EFCAB6: variants seen among roughly 807,000 people sequenced by gnomAD.
EFCAB6 encodes the protein EF-hand calcium-binding domain-containing protein 6.
Under a neutral mutation model 169.8 loss-of-function variants are expected in EFCAB6, and 156 were observed. The ratio of observed to expected loss-of-function variants is 0.92; its 90% confidence interval spans 0.81 to 1.05. EFCAB6 has a LOEUF of 1.05. Among genes scored for constraint, EFCAB6 ranks in the 50% least tolerant of loss-of-function variants. EFCAB6 has a pLI of 0.00. For synonymous variants in EFCAB6, 698 were observed against 676.4 expected (o/e 1.03, Z -0.50); for missense variants, 1,800 against 1,829.1 (o/e 0.98, Z 0.29).
chr22:43,718,897 C>A (rs772367260), intron 8 of EFCAB6, among the ~76,000 whole-genome samples: 1 of 152,154 alleles, frequency 6.6e-6, no homozygotes, highest in Non-Finnish European at 1.5e-5. Flanking sequence ...CTGCAAGGGC[C>A]CTCGCTGAAA....
rs180881082 is a variant in EFCAB6, at chr22:43,624,350, A to G, written c.2465+2097T>C. Among the ~76,000 whole-genome samples, 9 of 152,240 alleles carry G rather than the reference A, an allele frequency of 5.9e-5. No homozygotes were observed. The East Asian group carries it at 1.5e-3, about 26-fold the overall frequency. On this transcript the variant is annotated intron_variant, in intron 20 of 31. Transcript: ENST00000262726. ...GTACAGAAGGATCTTTCTAAAGCAC[A>G]GTGTAACTCCCTCACTCCATAGCAT... is the stretch of plus-strand genomic sequence containing the variant.
intron 23 of EFCAB6, among the ~76,000 whole-genome samples, chr22:43,594,984 C>G (rs1030886971): frequency 6.6e-6 from 1 of 152,110 alleles, no homozygotes; most frequent in African/African-American, 2.4e-5. Context: ...ACTTTGGAAA[C>G]TGTACAAATA....
chr22:43,719,352 C>T (rs569721912), intron 8 of EFCAB6, among the ~76,000 whole-genome samples: 6 of 152,192 alleles, frequency 3.9e-5, no homozygotes, highest in Non-Finnish European at 8.8e-5. Context: ...GCTTACAGTG[C>T]GGTTTATGTT....
At chr22:43,614,209 A>T in intron 21 of EFCAB6, among the ~76,000 whole-genome samples, 1 of 148,238 alleles carries the variant, frequency 6.7e-6, no homozygotes, top group Admixed American at 6.8e-5. Flanking sequence ...AACTTGGAGA[A>T]CTGACACTAC....
chr22:43,768,549 A>C (rs1371729138), intron 4 of EFCAB6, among the ~76,000 whole-genome samples: 1 of 152,202 alleles, frequency 6.6e-6, no homozygotes, highest in Non-Finnish European at 1.5e-5. Context: ...TTCATTCCCA[A>C]TGACCTTGGC....
intron 22 of EFCAB6, among the ~76,000 whole-genome samples, chr22:43,607,968 T>G (rs886392546): frequency 8.5e-5 from 13 of 152,134 alleles, no homozygotes; most frequent in Non-Finnish European, 1.2e-4. Flanking sequence ...CGGATAAAAT[T>G]TTCGGTTTAA....
intron 2 of EFCAB6, among the ~76,000 whole-genome samples, chr22:43,798,341 G>A (rs976910294): frequency 6.6e-6 from 1 of 151,136 alleles, no homozygotes; most frequent in Non-Finnish European, 1.5e-5. Context: ...AATAGAGCGA[G>A]ACTCCATCTC....
chr22:43,765,393 T>C lies in EFCAB6; in HGVS notation c.352A>G (p.Ile118Val). The C allele has an allele frequency of 6.2e-7, 1 of 1,609,742 alleles. No homozygotes were observed. Among genetic ancestry groups the C allele is most frequent in the Non-Finnish European group, 8.5e-7 (1 of 1,177,092 alleles). ...ACAGTACCAGAGGTGCTAAGGGGGA[T>C]CTACAGTCAAGGGAGAAGAATGACA... ...REQFQDVLAQ[I>V]PLSTSGTVPY... The change falls in exon 5 of 32, where the codon ATC becomes GTC. Residue 118 changes from isoleucine to valine, a missense_variant and splice_region_variant. By Grantham distance (29) the Ile-to-Val change is conservative. Coordinates refer to ENST00000262726, the MANE Select transcript of EFCAB6 (RefSeq NM_022785.4).
intron 20 of EFCAB6, among the ~76,000 whole-genome samples, chr22:43,624,658 G>A (rs1000557892): frequency 3.3e-5 from 5 of 152,130 alleles, no homozygotes; most frequent in East Asian, 3.8e-4. Flanking sequence ...ACTCACGGGC[G>A]CCTCCCTCTG....
Position 43,784,511 on chromosome 22 carries a change from A to ATATGTGTG in EFCAB6, c.-7-2187_-7-2186insCACACATA, listed in dbSNP as rs1382847722. ...ACCAAAAAAAAAAAAAAATATATAT[A>ATATGTGTG]TGTGTGTGTGTGTGTGTGTGTGTGT... On this transcript the variant is annotated intron_variant, in intron 2 of 31. Coordinates refer to ENST00000262726, the MANE Select transcript of EFCAB6 (RefSeq NM_022785.4). 4.2e-4 allele frequency among the ~76,000 whole-genome samples: 38 copies of ATATGTGTG among 91,388 alleles called. No individual in the cohort carries two copies. The South Asian group carries it at 6.7e-3, about 16-fold the overall frequency. The allele number at this position is 91,388 out of a possible 152,430, so 60.0% of individuals were successfully genotyped here.
Position 43,784,631 on chromosome 22 carries a change from A to ATACACATATATG in EFCAB6, c.-7-2307_-7-2306insCATATATGTGTA, listed in dbSNP as rs2061988483. On this transcript the variant is annotated intron_variant, in intron 2 of 31. Coordinates refer to ENST00000262726, the MANE Select transcript of EFCAB6 (RefSeq NM_022785.4). ...TATATGTGTATATATACACATATAT[A>ATACACATATATG]TGTATATGTACACATATATATGTGT... Among the ~76,000 whole-genome samples the ATACACATATATG allele has an allele frequency of 4.7e-5, 2 of 42,372 alleles. 1 individual carries two copies. The highest frequency in any genetic ancestry group is 9.4e-5 in the Non-Finnish European group (2 of 21,380). The allele number at this position is 42,372 out of a possible 152,430, so 27.8% of individuals were successfully genotyped here.
chr22:43,621,202 T>C (rs1026007038), intron 20 of EFCAB6, among the ~76,000 whole-genome samples: 6 of 151,954 alleles, frequency 3.9e-5, no homozygotes, highest in Non-Finnish European at 8.8e-5. Context: ...AATTCTCCTG[T>C]CTCAGCCTCC....
chr22:43,768,373 GGGAAATTACCAT>G (rs1326154666), intron 4 of EFCAB6, among the ~76,000 whole-genome samples: 1 of 152,136 alleles, frequency 6.6e-6, no homozygotes, highest in Non-Finnish European at 1.5e-5. Context: ...CAACTTTAAG[GGGAAATTACCAT>G]GAAATCTTTT....
chr22:43,546,025 A>T (rs1179724277), intron 27 of EFCAB6, among the ~76,000 whole-genome samples: 1 of 152,240 alleles, frequency 6.6e-6, no homozygotes, highest in African/African-American at 2.4e-5. Flanking sequence ...GATATTTGAT[A>T]TTAGCTAGAG....
chr22:43,691,866 G>C (rs925812444), intron 10 of EFCAB6, among the ~76,000 whole-genome samples: 1 of 152,182 alleles, frequency 6.6e-6, no homozygotes, highest in Non-Finnish European at 1.5e-5. Flanking sequence ...GACCAGAGCA[G>C]GCAAAGTCTT....
At chr22:43,624,914 G>C (rs570606127) in intron 20 of EFCAB6, among the ~76,000 whole-genome samples, 1 of 152,270 alleles carries the variant, frequency 6.6e-6, no homozygotes, top group East Asian at 1.9e-4. Flanking sequence ...GCAGAGAATG[G>C]AAAATGAACT....
chr22:43,604,990 T>G (rs528823938), intron 22 of EFCAB6, among the ~76,000 whole-genome samples: 2 of 152,232 alleles, frequency 1.3e-5, no homozygotes, highest in East Asian at 3.9e-4. Context: ...TCTAGCAAAG[T>G]TTGTTTTAGA....
chr22:43,575,030 C>T (rs1168430712), intron 26 of EFCAB6, among the ~76,000 whole-genome samples: 1 of 152,122 alleles, frequency 6.6e-6, no homozygotes, highest in East Asian at 1.9e-4. Flanking sequence ...AGTGTGTGCA[C>T]ACAAGGAGAC....
intron 17 of EFCAB6, among the ~76,000 whole-genome samples, chr22:43,640,242 A>C (rs2055706638): frequency 1.3e-5 from 2 of 152,180 alleles, no homozygotes; most frequent in African/African-American, 4.8e-5. Flanking sequence ...ATTCTGTTGT[A>C]GTTCTCCAAA....
Sources: gnomAD v4.1 joint callset for allele counts (sites outside exome capture counted in the v4.1 genomes callset) on GRCh38, gnomAD v4.1.1 for gene constraint, MANE v1.5 for transcripts, NCBI Gene and HGNC (gene_info 2026-07-23, HGNC 2026-07-21) for gene names.